The following CCN4 variants were observed in gnomAD, a reference collection of about 807,000 sequenced individuals.
The protein encoded by CCN4 is CCN family member 4.
A neutral mutation model predicts 36.7 loss-of-function variants in CCN4; 30 were observed. The ratio of observed to expected loss-of-function variants is 0.82; its 90% confidence interval spans 0.61 to 1.11. CCN4 has a LOEUF of 1.11. Among genes scored for constraint, CCN4 ranks in the 50% least tolerant of loss-of-function variants. The pLI is 0.00. For missense variants in CCN4, 505 were observed against 504.9 expected, an observed-to-expected ratio of 1.00 and a Z score of 0.00; for synonymous variants, 191 against 195.4, an observed-to-expected ratio of 0.98 and a Z score of 0.19.
chr8:133,224,229 CTTTTTT>C (rs59929763), intron 3 of CCN4, among the ~76,000 whole-genome samples: 9,482 of 88,176 alleles, frequency 0.11, 1,473 homozygotes, highest in Middle Eastern at 0.21. Flanking sequence ...CCCGTAAGTC[CTTTTTT>C]TTTTTTTTTT....
chr8:133,220,965 G>A (rs2130609988), intron 3 of CCN4, 124 bp downstream of exon 3: 1 of 1,331,170 alleles, frequency 7.5e-7, no homozygotes, highest in South Asian at 1.5e-5. Context: ...TTGTGACCTT[G>A]AGAAAGTCAT....
chr8:133,214,895 A>G (rs1444879739), intron 2 of CCN4, among the ~76,000 whole-genome samples: 1 of 152,110 alleles, frequency 6.6e-6, no homozygotes, highest in East Asian at 1.9e-4. Flanking sequence ...TTTGAGGTGG[A>G]TTGTCCATGA....
chr8:133,226,275 A>G (rs1032475708), intron 4 of CCN4, among the ~76,000 whole-genome samples: 1 of 152,208 alleles, frequency 6.6e-6, no homozygotes, highest in Admixed American at 6.5e-5. Flanking sequence ...TTCAACAGTT[A>G]TTCCATTTTT....
intron 2 of CCN4, among the ~76,000 whole-genome samples, chr8:133,217,908 G>C (rs1854379235): frequency 1.2e-5 from 1 of 82,530 alleles, no homozygotes; most frequent in African/African-American, 4.7e-5. Flanking sequence ...TGCAGGGACA[G>C]AGTTCCGGGC....
At chr8:133,212,291 T>A (rs7842500) in intron 1 of CCN4, among the ~76,000 whole-genome samples, 11,375 of 152,126 alleles carry the variant, frequency 0.075, 708 homozygotes, top group Admixed American at 0.21. Context: ...TAAAGTTGAA[T>A]ACCTGCCGCT....
chr8:133,225,410 G>T lies in CCN4; in HGVS notation c.631G>T (p.Ala211Ser). 6.2e-7 allele frequency: 1 copy of T among 1,605,238 alleles called. No individual in the cohort carries two copies. ...GAFDAVGEVE[A>S]WHRNCIAYTS... Reference sequence around the variant, plus strand: ...CACAGATGCTGTGGGTGAGGTGGAGGCATGGCACAGGAACTGCATAGCCTA... The same window carrying T: ...CACAGATGCTGTGGGTGAGGTGGAGTCATGGCACAGGAACTGCATAGCCTA... The change falls in exon 4 of 5, where the codon GCA becomes TCA. Residue 211 changes from alanine to serine, a missense_variant. Transcript: ENST00000250160.
At chr8:133,222,666 T>C (rs1211713970) in intron 3 of CCN4, among the ~76,000 whole-genome samples, 1 of 151,274 alleles carries the variant, frequency 6.6e-6, no homozygotes, top group Non-Finnish European at 1.5e-5. Flanking sequence ...TTGGGATGTA[T>C]GAAGAAAACC....
At chr8:133,211,529 G>A (rs1287278060) in intron 1 of CCN4, among the ~76,000 whole-genome samples, 1 of 152,166 alleles carries the variant, frequency 6.6e-6, no homozygotes, top group African/African-American at 2.4e-5. Context: ...TTCGGGTCTT[G>A]CCTTCCTCCC....
Position 133,209,516 on chromosome 8 carries a change from T to C in CCN4, c.70-3348T>C, listed in dbSNP as rs77671360. Among the ~76,000 whole-genome samples the C allele has an allele frequency of 1.1e-3, 160 of 152,322 alleles. 6 individuals are homozygous for C. In the East Asian group the frequency reaches 0.023, roughly 22 times the overall value. Reference sequence around the variant, plus strand: ...CTCCTCTGCCCAGGGATGCCATAAATGGTTCCCCTGTCCAAGGGAGGACTT... The same window carrying C: ...CTCCTCTGCCCAGGGATGCCATAAACGGTTCCCCTGTCCAAGGGAGGACTT... On this transcript the variant is annotated intron_variant, in intron 1 of 4. Coordinates refer to ENST00000250160, the MANE Select transcript of CCN4 (RefSeq NM_003882.4).
Position 133,228,336 on chromosome 8 carries a change from C to T in CCN4, c.*626C>T, listed in dbSNP as rs1854823641. The T allele has an allele frequency of 6.6e-6, 1 of 152,538 alleles. No individual in the cohort carries two copies. Among genetic ancestry groups the T allele is most frequent in the African/African-American group, 2.4e-5 (1 of 41,430 alleles). The allele number at this position is 152,538 out of a possible 1,614,324, so 9.4% of individuals were successfully genotyped here. ...TGTTGAGGTTAAGTTTCTCTTCACC[C>T]CTACACTGTGAAGGGTACAGATTAG... On this transcript the variant is annotated 3_prime_UTR_variant, in exon 5 of 5. Coordinates refer to ENST00000250160, the MANE Select transcript of CCN4 (RefSeq NM_003882.4).
At chr8:133,214,458 T>A (rs970383077) in intron 2 of CCN4, among the ~76,000 whole-genome samples, 17 of 152,100 alleles carry the variant, frequency 1.1e-4, no homozygotes, top group African/African-American at 4.1e-4. Flanking sequence ...TAATGGCCTT[T>A]GCTTTTTCTT....
At position 133,227,480 on chromosome 8, in the gene CCN4, A is replaced by G. The variant is rs1272655751; in HGVS notation, c.874A>G (p.Ser292Gly). ...SMNFTLAGCISTRSYQPKYCG... is the reference protein window; with the variant it reads ...SMNFTLAGCIGTRSYQPKYCG... ...GAACTTCACACTTGCGGGCTGCATC[A>G]GCACACGCTCCTATCAACCCAAGTA... is the stretch of plus-strand genomic sequence containing the variant. Residue 292 changes from serine (S) to glycine (G), a missense_variant, in exon 5 of 5, where the codon AGC (serine) becomes GGC (glycine). Transcript: ENST00000250160. The G allele has an allele frequency of 1.2e-6, 2 of 1,614,232 alleles. No individual in the cohort carries two copies. Among genetic ancestry groups the G allele is most frequent in the Admixed American group, 1.7e-5 (1 of 60,030 alleles).
rs1772209277 is a variant in CCN4, at chr8:133,229,560, G to C, written c.*1850G>C. On this transcript the variant is annotated 3_prime_UTR_variant, in exon 5 of 5. Transcript: ENST00000250160. ...TGAATGTTGTGTAGTTATTCACAGG[G>C]AATTCTGTGCAGTGTGCAGAGAGAT... is the stretch of plus-strand genomic sequence containing the variant. 1.3e-5 allele frequency: 2 copies of C among 152,178 alleles called. No homozygotes were observed. 9.4% of individuals were successfully genotyped at this position (152,178 alleles called of 1,614,324 possible). A position where few individuals can be genotyped will look rare whatever the true frequency, so the allele number is the denominator to read the frequency against.
intron 1 of CCN4, among the ~76,000 whole-genome samples, chr8:133,199,940 G>T (rs1853527338): frequency 6.6e-6 from 1 of 152,170 alleles, no homozygotes. Context: ...TTTTAAAGAG[G>T]AGAAAACTGA....
At chr8:133,197,443 T>A (rs1458244559) in intron 1 of CCN4, among the ~76,000 whole-genome samples, 1 of 152,064 alleles carries the variant, frequency 6.6e-6, no homozygotes, top group Non-Finnish European at 1.5e-5. Flanking sequence ...CCCTCACACG[T>A]CTGCACATTA....
intron 1 of CCN4, among the ~76,000 whole-genome samples, chr8:133,205,565 T>C (rs1234351666): frequency 6.6e-6 from 1 of 152,086 alleles, no homozygotes; most frequent in African/African-American, 2.4e-5. Flanking sequence ...TAGCTCATGG[T>C]GGGTAAGAAG....
chr8:133,220,584 T>C lies in CCN4; in HGVS notation c.353T>C (p.Val118Ala). 1 of 1,611,106 alleles carries C rather than the reference T, an allele frequency of 6.2e-7. No individual in the cohort carries two copies. The highest frequency in any genetic ancestry group is 8.5e-7 in the Non-Finnish European group (1 of 1,177,640). Residue 118 changes from valine to alanine, a missense_variant, in exon 3 of 5, where the codon GTG becomes GCG. Val to Ala is a moderately conservative substitution (Grantham distance 64, BLOSUM62 0). Transcript: ENST00000250160. ...PRYAIGVCAQ[V>A]VGVGCVLDGV... ...GACCGGCCACCTGTGTTTGCAGAGGTGGTCGGTGTGGGCTGCGTCCTGGAT... is the reference window on the plus strand; with the variant it reads ...GACCGGCCACCTGTGTTTGCAGAGGCGGTCGGTGTGGGCTGCGTCCTGGAT...
chr8:133,215,144 G>C (rs944988178), intron 2 of CCN4, among the ~76,000 whole-genome samples: 1 of 152,150 alleles, frequency 6.6e-6, no homozygotes, highest in African/African-American at 2.4e-5. Flanking sequence ...TGCAGCATCC[G>C]CTGCACAGAA....
intron 1 of CCN4, among the ~76,000 whole-genome samples, chr8:133,199,626 C>A (rs530651340): frequency 1.3e-5 from 2 of 152,126 alleles, no homozygotes; most frequent in African/African-American, 4.8e-5. Flanking sequence ...GGCAGGCGCG[C>A]GTGGAGTGAG....
Sources: allele counts gnomAD v4.1 joint callset (sites outside exome capture counted in the v4.1 genomes callset), GRCh38; gene constraint gnomAD v4.1.1; transcripts MANE v1.5; gene names NCBI Gene and HGNC (gene_info 2026-07-23, HGNC 2026-07-21).